CCDC171: variants seen among roughly 807,000 people sequenced by gnomAD.
CCDC171 encodes the protein coiled-coil domain-containing protein 171.
CCDC171 carries 177 observed loss-of-function variants against 168.2 expected under a neutral mutation model. The observed-to-expected ratio is 1.05, with a 90% CI of 0.93 to 1.19. The LOEUF is 1.19. CCDC171 is among the 50% of genes most tolerant of loss of function. The probability of loss-of-function intolerance (pLI) is 0.00; values close to 1 mark genes in which losing one functional copy is unlikely to be tolerated. For missense variants in CCDC171, 1,991 were observed against 1,539.0 expected (o/e 1.29, Z -4.91); for synonymous variants, 687 against 540.8 (o/e 1.27, Z -3.75).
At chr9:15,764,660 A>G (rs1564366033) in intron 18 of CCDC171, among the ~76,000 whole-genome samples, 1 of 152,214 alleles carries the variant, frequency 6.6e-6, no homozygotes, top group Non-Finnish European at 1.5e-5. Context: ...TAGACTCGTA[A>G]GTGTCAAGGA....
At chr9:16,015,392 G>C (rs1189989561) in intron 3 of CCDC171, among the ~76,000 whole-genome samples, 1 of 152,114 alleles carries the variant, frequency 6.6e-6, no homozygotes, top group Admixed American at 6.6e-5. Context: ...GGCTGGTTTA[G>C]TCTTCTATGC....
At chr9:15,596,920 G>C (rs145951084) in intron 6 of CCDC171, among the ~76,000 whole-genome samples, 43 of 152,264 alleles carry the variant, frequency 2.8e-4, no homozygotes, top group African/African-American at 9.6e-4. Flanking sequence ...GTGAATGAGA[G>C]TTCACTGATG....
chr9:16,098,057 C>T, the CCDC171 span, among the ~76,000 whole-genome samples: 2 of 152,172 alleles, frequency 1.3e-5, no homozygotes, highest in African/African-American at 2.4e-5. Context: ...CGAAAACAAT[C>T]AGCGTAGCCT....
At chr9:15,705,729 G>A (rs2052170094) in intron 11 of CCDC171, among the ~76,000 whole-genome samples, 1 of 152,048 alleles carries the variant, frequency 6.6e-6, no homozygotes, top group Admixed American at 6.6e-5. Flanking sequence ...CATAGTATAT[G>A]GAACATTTAT....
At chr9:15,613,195 A>G (rs1007960433) in intron 6 of CCDC171, among the ~76,000 whole-genome samples, 3 of 152,186 alleles carry the variant, frequency 2.0e-5, no homozygotes, top group African/African-American at 4.8e-5. Flanking sequence ...CAGTTTCTCT[A>G]CGTCTTTGCC....
intron 21 of CCDC171, among the ~76,000 whole-genome samples, chr9:15,832,229 C>T (rs980252224): frequency 2.0e-5 from 3 of 152,154 alleles, no homozygotes; most frequent in African/African-American, 4.8e-5. Context: ...AGATACAAGT[C>T]AAATCCCTTT....
chr9:15,886,506 C>A (rs1819415618), intron 24 of CCDC171: 1 of 152,080 alleles, frequency 6.6e-6, no homozygotes, highest in South Asian at 2.1e-4. Context: ...AACCTTTGTG[C>A]ACTATTGGTG....
chr9:15,736,264 T>A (rs182381505), intron 16 of CCDC171, among the ~76,000 whole-genome samples: 27 of 152,352 alleles, frequency 1.8e-4, no homozygotes, highest in Admixed American at 1.3e-3. Context: ...TAATACTGCT[T>A]CTTTTAGAAA....
chr9:15,724,729 T>G, intron 13 of CCDC171, 47 bp from the exon 14 acceptor site: 1 of 1,361,960 alleles, frequency 7.3e-7, no homozygotes, highest in Non-Finnish European at 1.0e-6. Flanking sequence ...CCCTCACCCC[T>G]TGTTGGCTGG....
At chr9:16,043,822 G>A (rs1028973973) in intron 1 of CCDC171, among the ~76,000 whole-genome samples, 3 of 152,186 alleles carry the variant, frequency 2.0e-5, no homozygotes, top group Admixed American at 1.3e-4. Context: ...TTACTACAGG[G>A]CCCTTAGGAT....
At chr9:15,976,308 C>T (rs544313339), downstream of CCDC171, among the ~76,000 whole-genome samples, 27 of 152,036 alleles carry the variant, frequency 1.8e-4, 1 homozygote, top group South Asian at 2.9e-3. Context: ...TTAAATTATC[C>T]GTAATAATTG....
At chr9:16,088,416 G>T in the CCDC171 span, among the ~76,000 whole-genome samples, 6 of 152,226 alleles carry the variant, frequency 3.9e-5, no homozygotes, top group Admixed American at 3.9e-4. Flanking sequence ...GATAGGAAGA[G>T]AGGAAGTCAG....
chr9:15,731,260 A>G (rs1221072442), intron 16 of CCDC171, among the ~76,000 whole-genome samples: 3 of 152,154 alleles, frequency 2.0e-5, no homozygotes, highest in East Asian at 3.9e-4. Context: ...GGTAACTACA[A>G]TTTGATGTTT....
At chr9:15,715,317 T>C (rs2053001080) in intron 11 of CCDC171, among the ~76,000 whole-genome samples, 1 of 152,206 alleles carries the variant, frequency 6.6e-6, no homozygotes, top group Non-Finnish European at 1.5e-5. Flanking sequence ...GCACTAATGT[T>C]TGCAAGATAA....
rs543178315 is a variant in CCDC171, at chr9:15,797,224, C to T, written c.3267+12530C>T. Among the ~76,000 whole-genome samples, 11 of 151,796 alleles carry T rather than the reference C, an allele frequency of 7.2e-5. No individual in the cohort carries two copies. The East Asian group carries it at 1.4e-3, about 19-fold the overall frequency. ...AACCATGTGATATTTGATTGATTGA[C>T]TGATTTTTTTGAGACAAGGTCTCCC... On this transcript the variant is annotated intron_variant, in intron 21 of 25. Transcript: ENST00000380701.
chr9:15,926,355 G>A (rs776462285), intron 25 of CCDC171, among the ~76,000 whole-genome samples: 5 of 151,542 alleles, frequency 3.3e-5, no homozygotes, highest in African/African-American at 4.8e-5. Context: ...CAAACAGCCC[G>A]TACCCAGTGA....
chr9:15,975,133 A>T (rs781599330), downstream of CCDC171, among the ~76,000 whole-genome samples: 1 of 152,176 alleles, frequency 6.6e-6, no homozygotes, highest in East Asian at 1.9e-4. Flanking sequence ...TTTATCAAGC[A>T]ACTGTTTTAT....
intron 21 of CCDC171, among the ~76,000 whole-genome samples, chr9:15,834,861 G>C (rs2060374563): frequency 6.6e-6 from 1 of 152,088 alleles, no homozygotes; most frequent in Non-Finnish European, 1.5e-5. Context: ...ACTTTATGGT[G>C]GTTTTATCTT....
At chr9:15,844,898 G>A (rs1379353612) in intron 21 of CCDC171, among the ~76,000 whole-genome samples, 5 of 151,996 alleles carry the variant, frequency 3.3e-5, no homozygotes, top group Non-Finnish European at 7.4e-5. Flanking sequence ...TCTGGATAAG[G>A]TTAGAGATAA....
Sources: gnomAD v4.1 joint callset for allele counts (sites outside exome capture counted in the v4.1 genomes callset) on GRCh38, gnomAD v4.1.1 for gene constraint, MANE v1.5 for transcripts, NCBI Gene and HGNC (gene_info 2026-07-23, HGNC 2026-07-21) for gene names.